The following BRD3 variants were observed in gnomAD, a reference collection of about 807,000 sequenced individuals.
BRD3 encodes bromodomain containing 3.
Under a neutral mutation model 66.8 loss-of-function variants are expected in BRD3, and 17 were observed. The ratio of observed to expected loss-of-function variants is 0.25; its 90% confidence interval spans 0.17 to 0.38. BRD3 has a LOEUF of 0.38. Ranked by LOEUF, BRD3 falls within the 10% of genes least tolerant of loss-of-function variation. BRD3 has a pLI of 1.00. For synonymous variants in BRD3, 421 were observed against 393.2 expected, an observed-to-expected ratio of 1.07 and a Z score of -0.84; for missense variants, 713 against 956.1, an observed-to-expected ratio of 0.75 and a Z score of 3.35.
rs76481381 is a variant in BRD3 at position 134,044,782 on chromosome 9, C to T, written c.1215+511G>A. On this transcript the variant is annotated intron_variant, in intron 7 of 11. Transcript: ENST00000303407. ...CCCTGCGCTGAGAGCTAGACCAAGA[C>T]ACTCCTGTTTTCCCTGAAGACATCT... 1.8e-4 allele frequency among the ~76,000 whole-genome samples: 27 copies of T among 152,348 alleles called. No homozygotes were observed. The East Asian group carries it at 5.0e-3, about 28-fold the overall frequency.
intron 7 of BRD3, among the ~76,000 whole-genome samples, chr9:134,042,561 C>G (rs1442566844): frequency 6.6e-6 from 1 of 151,986 alleles, no homozygotes; most frequent in Non-Finnish European, 1.5e-5. Context: ...TGCTTGAACC[C>G]AGGAGGTCGA....
chr9:134,036,299 C>G lies in BRD3; in HGVS notation c.1669G>C (p.Ala557Pro), dbSNP rs1255521310. 6.2e-7 allele frequency: 1 copy of G among 1,607,264 alleles called. No individual in the cohort carries two copies. Among genetic ancestry groups the G allele is most frequent in the South Asian group, 1.1e-5 (1 of 90,556 alleles). The change falls in exon 10 of 12, where the codon GCA (alanine) becomes CCA (proline). Residue 557 changes from alanine to proline, a missense_variant. Transcript: ENST00000303407. ...GRQLKKGGKQ[A>P]SASYDSEEEE... ...TCCTCTGAGTCGTAGGAGGCAGATGCCTGCTTGCCGCCTTTCTTCAGCTGT... is the reference window on the plus strand; with the variant it reads ...TCCTCTGAGTCGTAGGAGGCAGATGGCTGCTTGCCGCCTTTCTTCAGCTGT...
In BRD3 at chr9:134,051,535, C is replaced by T. The variant is rs113031619; in HGVS notation, c.499+27G>A. ...CGTGGGCCTCTGCAGAGAGGCCCAG[C>T]CCCTCGCCTGCCCCAGCTCCCTTTA... is the stretch of plus-strand genomic sequence containing the variant. On this transcript the variant is annotated intron_variant, in intron 4 of 11. Coordinates refer to ENST00000303407, the MANE Select transcript of BRD3 (RefSeq NM_007371.4). The T allele has an allele frequency of 8.6e-5, 130 of 1,506,968 alleles. 1 individual carries two copies. In the African/African-American group the frequency reaches 1.5e-3, roughly 18 times the overall value. 93.3% of individuals were successfully genotyped at this position (1,506,968 alleles called of 1,614,324 possible).
Position 134,031,598 on chromosome 9 carries a change from C to G in BRD3, c.*1992G>C, listed in dbSNP as rs1192111084. 4.7e-6 allele frequency: 1 copy of G among 211,580 alleles called. No individual in the cohort carries two copies. Among genetic ancestry groups the G allele is most frequent in the East Asian group, 7.2e-5 (1 of 13,978 alleles). The allele number at this position is 211,580 out of a possible 1,614,324, so 13.1% of individuals were successfully genotyped here. On this transcript the variant is annotated 3_prime_UTR_variant, in exon 12 of 12. Transcript: ENST00000303407. Reference sequence around the variant, plus strand: ...GTTTAACAAACTGGCTGAAAACTCACCAAGTGTCAGACTCACCAGCAATTT... The same window carrying G: ...GTTTAACAAACTGGCTGAAAACTCAGCAAGTGTCAGACTCACCAGCAATTT...
chr9:134,053,634 G>A lies in BRD3; in HGVS notation c.-113-44C>T, dbSNP rs114473646. The A allele has an allele frequency of 0.013, 18,332 of 1,425,440 alleles. 1,090 individuals carry two copies. In the African/African-American group the frequency reaches 0.17, roughly 13 times the overall value. The allele number at this position is 1,425,440 out of a possible 1,614,324, so 88.3% of individuals were successfully genotyped here. Reference sequence around the variant, plus strand: ...AACAGAGAGGAAGGCCAGTCACCCCGGGGACCCCCACCTCTCCCAGCCTCG... The same window carrying A: ...AACAGAGAGGAAGGCCAGTCACCCCAGGGACCCCCACCTCTCCCAGCCTCG... On this transcript the variant is annotated intron_variant, in intron 1 of 11. Coordinates refer to ENST00000303407, the MANE Select transcript of BRD3 (RefSeq NM_007371.4).
At position 134,053,253 on chromosome 9, in the gene BRD3, G is replaced by A. The variant is rs1254906334; in HGVS notation, c.213+12C>T. 2 of 1,613,040 alleles carry A rather than the reference G, an allele frequency of 1.2e-6. No homozygotes were observed. The highest frequency in any genetic ancestry group is 2.2e-5 in the South Asian group (2 of 91,084). ...GCAGAACGTGGCTCTTGGGGAGGCA[G>A]CAGCTACGCACCGGCAGGTTCAATT... On this transcript the variant is annotated intron_variant, in intron 2 of 11. Coordinates refer to ENST00000303407, the MANE Select transcript of BRD3 (RefSeq NM_007371.4).
intron 4 of BRD3, among the ~76,000 whole-genome samples, 155 bp from the exon 5 acceptor site, chr9:134,050,743 T>C (rs1411365506): frequency 6.6e-6 from 1 of 152,084 alleles, no homozygotes; most frequent in African/African-American, 2.4e-5. Context: ...CCCCCCATCC[T>C]GCATCTTGGG....
At chr9:134,047,296 T>C (rs758886872) in intron 6 of BRD3, among the ~76,000 whole-genome samples, 9 of 152,212 alleles carry the variant, frequency 5.9e-5, no homozygotes, top group Non-Finnish European at 1.0e-4. Flanking sequence ...CGCACGGCAG[T>C]TGGCGGAGGA....
At chr9:134,066,764 C>T (rs1432170893) in intron 1 of BRD3, among the ~76,000 whole-genome samples, 1 of 152,268 alleles carries the variant, frequency 6.6e-6, no homozygotes, top group Non-Finnish European at 1.5e-5. Context: ...TCCTGGTTAA[C>T]TTTTGCAGAC....
Position 134,052,469 on chromosome 9 carries a change from T to C in BRD3, c.214-26A>G, listed in dbSNP as rs201357237. 8.8e-6 allele frequency: 14 copies of C among 1,588,540 alleles called. No individual in the cohort carries two copies. In the East Asian group the frequency reaches 1.1e-4, roughly 13 times the overall value. On this transcript the variant is annotated intron_variant, in intron 2 of 11. Coordinates refer to ENST00000303407, the MANE Select transcript of BRD3 (RefSeq NM_007371.4). ...CTAGGAAAGAGATTTTCAGAGGCATTACCAGAAGATTCTACATAATTATTT... is the reference window on the plus strand; with the variant it reads ...CTAGGAAAGAGATTTTCAGAGGCATCACCAGAAGATTCTACATAATTATTT...
In BRD3 at chr9:134,032,460, A is replaced by G. The variant is rs1229886432; in HGVS notation, c.*1130T>C. The G allele has an allele frequency of 4.6e-6, 1 of 215,162 alleles. No homozygotes were observed. Among genetic ancestry groups the G allele is most frequent in the Non-Finnish European group, 9.2e-6 (1 of 108,172 alleles). 13.3% of individuals were successfully genotyped at this position (215,162 alleles called of 1,614,324 possible). On this transcript the variant is annotated 3_prime_UTR_variant, in exon 12 of 12. Coordinates refer to ENST00000303407, the MANE Select transcript of BRD3 (RefSeq NM_007371.4). ...CATACAAAAAAAAAAAAAAAAAAAA[A>G]CCACAAAGAAAAAAACCAAAAAACC...
At position 134,045,597 on chromosome 9, in the gene BRD3, A is replaced by G. The variant is rs1429421446; in HGVS notation, c.1087-176T>C. Among the ~76,000 whole-genome samples the G allele has an allele frequency of 6.6e-6, 1 of 152,086 alleles. No individual in the cohort carries two copies. The highest frequency in any genetic ancestry group is 6.5e-5 in the Admixed American group (1 of 15,276). ...CTGGGACCTCGTACGAGGAAACCCA[A>G]AGTGAGGACATGAGAGGGTGACTTG... On this transcript the variant is annotated intron_variant, in intron 6 of 11. Coordinates refer to ENST00000303407, the MANE Select transcript of BRD3 (RefSeq NM_007371.4). This position sits in a 1 kb window ranked among gnomAD's most constrained non-coding sequence, Gnocchi z 4.8.
At chr9:134,066,512 C>A (rs1041961376) in intron 1 of BRD3, among the ~76,000 whole-genome samples, 3 of 151,526 alleles carry the variant, frequency 2.0e-5, no homozygotes, top group Non-Finnish European at 4.4e-5. Flanking sequence ...AAATGCCATA[C>A]AACTTTGCAT....
At chr9:134,053,637 G>T (rs2132434032) in intron 1 of BRD3, 47 bp from the exon 2 acceptor site, 1 of 1,423,498 alleles carries the variant, frequency 7.0e-7, no homozygotes, top group East Asian at 2.5e-5. Flanking sequence ...TCACCCCGGG[G>T]ACCCCCACCT....
At chr9:134,051,422 C>T (rs1830292369) in intron 4 of BRD3, 140 bp downstream of exon 4, 1 of 871,442 alleles carries the variant, frequency 1.1e-6, no homozygotes, top group African/African-American at 1.8e-5. Flanking sequence ...ACAGGCCACA[C>T]TCATCCAAGA....
At chr9:134,034,579 G>T (rs1160622794) in intron 11 of BRD3, 122 bp downstream of exon 11, 2 of 1,365,636 alleles carry the variant, frequency 1.5e-6, no homozygotes, top group African/African-American at 1.5e-5. Flanking sequence ...GCTCGTCTAA[G>T]AACATGGAGC....
Position 134,031,279 on chromosome 9 carries a change from T to TGG in BRD3, c.*2310_*2311insCC. ...CACAGCCGGCCGCTCCCCCGACGGC[T>TGG]CACACAGGCAGCACCTCACTGCCCT... On this transcript the variant is annotated 3_prime_UTR_variant, in exon 12 of 12. Coordinates refer to ENST00000303407, the MANE Select transcript of BRD3 (RefSeq NM_007371.4). The TGG allele has an allele frequency of 4.8e-6, 1 of 209,316 alleles. No homozygotes were observed. Among genetic ancestry groups the TGG allele is most frequent in the Non-Finnish European group, 9.7e-6 (1 of 103,002 alleles). 13.0% of individuals were successfully genotyped at this position (209,316 alleles called of 1,614,324 possible). A position where few individuals can be genotyped will look rare whatever the true frequency, so the allele number is the denominator to read the frequency against.
intron 1 of BRD3, among the ~76,000 whole-genome samples, chr9:134,062,820 C>T (rs1201298837): frequency 1.3e-5 from 2 of 152,188 alleles, no homozygotes; most frequent in African/African-American, 4.8e-5. Context: ...GGCAGGAGAG[C>T]CACGACTCAG....
intron 1 of BRD3, among the ~76,000 whole-genome samples, chr9:134,064,767 G>C (rs986998891): frequency 6.6e-6 from 1 of 152,222 alleles, no homozygotes; most frequent in Non-Finnish European, 1.5e-5. Context: ...CCAGGAACCA[G>C]AGCAGGGAGG....
Sources: allele counts gnomAD v4.1 joint callset (sites outside exome capture counted in the v4.1 genomes callset), GRCh38; gene constraint gnomAD v4.1.1; non-coding constraint Gnocchi (gnomAD v3.1); transcripts MANE v1.5; gene names NCBI Gene and HGNC (gene_info 2026-07-23, HGNC 2026-07-21).